The following NALCN variants were observed in gnomAD, a reference collection of about 807,000 sequenced individuals.
NALCN encodes the protein sodium leak channel NALCN.
NALCN carries 111 observed loss-of-function variants against 225.3 expected under a neutral mutation model. The observed-to-expected ratio is 0.49, with a 90% confidence interval of 0.42 to 0.58. NALCN has a LOEUF of 0.58. Ranked by LOEUF, NALCN falls within the 20% of genes least tolerant of loss-of-function variation. NALCN has a pLI of 0.00. For missense variants in NALCN, 1,378 were observed against 2,202.4 expected, an observed-to-expected ratio of 0.63 and a Z score of 7.49; for synonymous variants, 764 against 769.0, an observed-to-expected ratio of 0.99 and a Z score of 0.11.
intron 43 of NALCN, among the ~76,000 whole-genome samples, chr13:101,056,787 C>A (rs1326542167): frequency 1.3e-5 from 2 of 152,178 alleles, no homozygotes; most frequent in Admixed American, 6.5e-5. Context: ...GCCAAGTCAA[C>A]TTCCTAAAGC....
chr13:101,289,549 T>TATATATATATACAC (rs1491392183), intron 9 of NALCN, among the ~76,000 whole-genome samples: 1 of 81,096 alleles, frequency 1.2e-5, no homozygotes. Flanking sequence ...TATATATATA[T>TATATATATATACAC]ACACATATTT....
At chr13:101,231,129 A>G (rs1191337946) in intron 12 of NALCN, among the ~76,000 whole-genome samples, 1 of 152,174 alleles carries the variant, frequency 6.6e-6, no homozygotes, top group Non-Finnish European at 1.5e-5. Context: ...TCACACGACA[A>G]CAAAATTGCC....
chr13:101,261,974 C>T (rs901090973), intron 10 of NALCN, among the ~76,000 whole-genome samples: 21 of 152,152 alleles, frequency 1.4e-4, no homozygotes, highest in Admixed American at 5.9e-4. Flanking sequence ...ATGATACTAG[C>T]TGTGGGTCTG....
intron 27 of NALCN, among the ~76,000 whole-genome samples, chr13:101,098,985 TC>T (rs1013160933): frequency 1.3e-5 from 2 of 151,860 alleles, no homozygotes; most frequent in Non-Finnish European, 1.5e-5. Context: ...GTGTCTATGC[TC>T]ATCTGCTGGC....
chr13:101,339,298 A>T (rs1413853910), intron 7 of NALCN, among the ~76,000 whole-genome samples: 1 of 152,154 alleles, frequency 6.6e-6, no homozygotes, highest in Non-Finnish European at 1.5e-5. Flanking sequence ...ATGTCTGCTA[A>T]ATAAATTTTG....
chr13:101,375,327 A>T (rs2046657081), intron 6 of NALCN, among the ~76,000 whole-genome samples: 2 of 152,162 alleles, frequency 1.3e-5, no homozygotes, highest in African/African-American at 4.8e-5. Flanking sequence ...TTATTAATCT[A>T]CTTCATTGAG....
chr13:101,163,956 A>C (rs370298074), intron 15 of NALCN, among the ~76,000 whole-genome samples: 97 of 152,228 alleles, frequency 6.4e-4, no homozygotes, highest in African/African-American at 2.2e-3. Context: ...CTTGTGGACC[A>C]CATCACTCTG....
intron 17 of NALCN, among the ~76,000 whole-genome samples, chr13:101,131,528 C>T (rs1289792405): frequency 6.6e-6 from 1 of 152,146 alleles, no homozygotes; most frequent in African/African-American, 2.4e-5. Context: ...CCTCCCCCCA[C>T]AAATTTTGTC....
chr13:101,277,792 T>A (rs576332935), intron 10 of NALCN, among the ~76,000 whole-genome samples: 1 of 152,306 alleles, frequency 6.6e-6, no homozygotes, highest in South Asian at 2.1e-4. Context: ...AATAAATGTA[T>A]GAATTCTTGG....
At position 101,055,291 on chromosome 13, in the gene NALCN, C is replaced by T; in HGVS notation, c.*4G>A. Reference sequence around the variant, plus strand: ...ACTAGAAATTCATCTACATTGACATCCACCTAAATATCCAGAAGGTCATCC... The same window carrying T: ...ACTAGAAATTCATCTACATTGACATTCACCTAAATATCCAGAAGGTCATCC... On this transcript the variant is annotated 3_prime_UTR_variant, in exon 44 of 44. Coordinates refer to ENST00000251127, the MANE Select transcript of NALCN (RefSeq NM_052867.4). The T allele has an allele frequency of 6.2e-7, 1 of 1,608,730 alleles. No homozygotes were observed. The highest frequency in any genetic ancestry group is 8.5e-7 in the Non-Finnish European group (1 of 1,176,444).
intron 6 of NALCN, among the ~76,000 whole-genome samples, chr13:101,374,275 T>TC (rs2046622950): frequency 6.9e-6 from 1 of 144,636 alleles, no homozygotes; most frequent in South Asian, 2.2e-4. Context: ...TTTCTTTCTT[T>TC]TTTTTTTTTT....
chr13:101,093,567 T>C (rs1202843292), intron 28 of NALCN, among the ~76,000 whole-genome samples: 1 of 152,218 alleles, frequency 6.6e-6, no homozygotes, highest in Non-Finnish European at 1.5e-5. Flanking sequence ...TAGAATGGCA[T>C]TGCCTTTGAA....
chr13:101,134,965 C>T (rs570222172), intron 17 of NALCN, among the ~76,000 whole-genome samples: 3 of 152,214 alleles, frequency 2.0e-5, no homozygotes, highest in East Asian at 1.9e-4. Context: ...GAGGCCGAGG[C>T]GGGTGGATCA....
intron 41 of NALCN, 42 bp downstream of exon 41, chr13:101,061,911 TGCGGGGCAGGGCGGG>T: frequency 1.4e-6 from 2 of 1,388,410 alleles, no homozygotes; most frequent in Non-Finnish European, 9.7e-7. Context: ...TTCATCCTCC[TGCGGGGCAGGGCGGG>T]GCGGGGCGGG....
intron 18 of NALCN, among the ~76,000 whole-genome samples, chr13:101,121,631 C>CGGCA (rs1368739699): frequency 7.2e-5 from 11 of 152,162 alleles, no homozygotes; most frequent in Non-Finnish European, 1.0e-4. Flanking sequence ...AACACTAAAA[C>CGGCA]GGCAGTCTCT....
At chr13:101,219,816 A>G (rs1485207679) in intron 13 of NALCN, among the ~76,000 whole-genome samples, 4 of 152,226 alleles carry the variant, frequency 2.6e-5, no homozygotes, top group Non-Finnish European at 5.9e-5. Flanking sequence ...TGGTAGGAGC[A>G]GTAGACAACT....
At chr13:101,174,453 C>T (rs2038876418) in intron 15 of NALCN, among the ~76,000 whole-genome samples, 1 of 152,006 alleles carries the variant, frequency 6.6e-6, no homozygotes, top group African/African-American at 2.4e-5. Context: ...AACTTTATAG[C>T]CCAGGAAGAA....
chr13:101,080,796 T>G (rs1379780697), intron 34 of NALCN, among the ~76,000 whole-genome samples: 4 of 150,060 alleles, frequency 2.7e-5, no homozygotes, highest in African/African-American at 9.7e-5. Flanking sequence ...AACAATTTAA[T>G]AGTTATATTT....
intron 10 of NALCN, among the ~76,000 whole-genome samples, chr13:101,275,339 T>C (rs2042935434): frequency 6.6e-6 from 1 of 152,220 alleles, no homozygotes; most frequent in Admixed American, 6.5e-5. Flanking sequence ...AGAAATCATG[T>C]GGCTCAAACG....
Sources: gnomAD v4.1 joint callset for allele counts (sites outside exome capture counted in the v4.1 genomes callset) on GRCh38, gnomAD v4.1.1 for gene constraint, MANE v1.5 for transcripts, NCBI Gene and HGNC (gene_info 2026-07-23, HGNC 2026-07-21) for gene names.